Variants in PREX1 observed in about 807,000 individuals in gnomAD.
The protein encoded by PREX1 is phosphatidylinositol-3,4,5-trisphosphate dependent Rac exchange factor 1.
Under a neutral mutation model 198.3 loss-of-function variants are expected in PREX1, and 41 were observed. That is an observed-to-expected ratio of 0.21 (90% CI 0.16 to 0.27). The LOEUF is 0.27. Ranked by LOEUF, PREX1 falls within the 10% of genes least tolerant of loss-of-function variation. The probability of loss-of-function intolerance (pLI) is 1.00; values close to 1 mark genes in which losing one functional copy is unlikely to be tolerated. For synonymous variants in PREX1, 843 were observed against 887.2 expected (o/e 0.95, Z 0.89); for missense variants, 1,620 against 2,200.7 (o/e 0.74, Z 5.28).
the PREX1 span, among the ~76,000 whole-genome samples, chr20:48,841,723 C>A: frequency 6.6e-6 from 1 of 152,206 alleles, no homozygotes; most frequent in Non-Finnish European, 1.5e-5. Context: ...CAACCTGTGC[C>A]ACAGAACCAG....
chr20:48,649,963 T>C (rs894564692), intron 24 of PREX1, 33 bp downstream of exon 24: 19 of 1,607,088 alleles, frequency 1.2e-5, no homozygotes, highest in Non-Finnish European at 1.6e-5. Flanking sequence ...GTGCAACATC[T>C]GAACACAGTT....
intron 1 of PREX1, among the ~76,000 whole-genome samples, chr20:48,816,221 G>A (rs1033476238): frequency 1.3e-5 from 2 of 152,234 alleles, no homozygotes; most frequent in East Asian, 3.9e-4. Context: ...GGCCAGAGAG[G>A]GAGTAAATAA....
At chr20:48,723,228 A>G (rs2089993808) in intron 5 of PREX1, among the ~76,000 whole-genome samples, 1 of 152,192 alleles carries the variant, frequency 6.6e-6, no homozygotes, top group African/African-American at 2.4e-5. Context: ...CTCAAACAAG[A>G]GGGCTCAGAG....
intron 1 of PREX1, among the ~76,000 whole-genome samples, chr20:48,758,560 C>A (rs1326855948): frequency 6.6e-6 from 1 of 152,220 alleles, no homozygotes; most frequent in Non-Finnish European, 1.5e-5. Context: ...CCAGGACGGC[C>A]TCGCTGCCTG....
At chr20:48,790,502 T>C (rs1176114003) in intron 1 of PREX1, among the ~76,000 whole-genome samples, 1 of 150,836 alleles carries the variant, frequency 6.6e-6, no homozygotes, top group Admixed American at 6.6e-5. Context: ...TCAACATGAG[T>C]GCGGAAAAAA....
At chr20:48,885,468 C>T in the PREX1 span, among the ~76,000 whole-genome samples, 1 of 152,184 alleles carries the variant, frequency 6.6e-6, no homozygotes. Context: ...TGCAAAATGG[C>T]ACAGCCACTT....
At chr20:48,747,491 G>A (rs112627076) in intron 2 of PREX1, among the ~76,000 whole-genome samples, 2 of 152,370 alleles carry the variant, frequency 1.3e-5, no homozygotes, top group South Asian at 4.1e-4. Flanking sequence ...TTTTCCACTG[G>A]CTCCAAGCCA....
chr20:48,833,598 C>T, the PREX1 span, among the ~76,000 whole-genome samples: 9 of 152,086 alleles, frequency 5.9e-5, no homozygotes, highest in South Asian at 8.3e-4. Flanking sequence ...CCCGCCACCA[C>T]GCCCAGCTAA....
At chr20:48,661,419 CAAAAA>C (rs1168247790) in intron 15 of PREX1, among the ~76,000 whole-genome samples, 172 of 11,914 alleles carry the variant, frequency 0.014, no homozygotes, top group Middle Eastern at 0.17. Flanking sequence ...AACTCCATCT[CAAAAA>C]AAAAAAAAAA....
chr20:48,850,021 C>T, the PREX1 span, among the ~76,000 whole-genome samples: 14 of 152,130 alleles, frequency 9.2e-5, no homozygotes, highest in African/African-American at 3.4e-4. Flanking sequence ...AGTTTTCCAT[C>T]TGAAAGATGG....
At chr20:48,718,027 TC>T (rs2089969810) in intron 5 of PREX1, among the ~76,000 whole-genome samples, 1 of 152,254 alleles carries the variant, frequency 6.6e-6, no homozygotes, top group Non-Finnish European at 1.5e-5. Context: ...CAGTGGCTGT[TC>T]CTTAGAAGGG....
In PREX1 at chr20:48,710,254, T is replaced by C. The variant is rs117794540; in HGVS notation, c.622-1833A>G. Among the ~76,000 whole-genome samples the C allele has an allele frequency of 2.7e-3, 413 of 152,046 alleles. 13 individuals carry two copies. In the East Asian group the frequency reaches 0.072, roughly 26 times the overall value. ...CAGGGCCAGCTCTGCTAATGCGGAG[T>C]GTATTTCGACTCATTCTTCACTCAG... On this transcript the variant is annotated intron_variant, in intron 5 of 39. Coordinates refer to ENST00000371941, the MANE Select transcript of PREX1 (RefSeq NM_020820.4).
chr20:48,676,349 C>T (rs2089709361), intron 13 of PREX1, 81 bp from the exon 14 acceptor site: 6 of 1,334,156 alleles, frequency 4.5e-6, no homozygotes, highest in Admixed American at 1.7e-5. Flanking sequence ...CCCTGCAGGA[C>T]GTGCCCACGA....
chr20:48,881,488 A>ATTTT, the PREX1 span, among the ~76,000 whole-genome samples: 3 of 139,476 alleles, frequency 2.2e-5, no homozygotes, highest in African/African-American at 7.9e-5. Context: ...CATACAATTC[A>ATTTT]TTTTTTTTTT....
intron 25 of PREX1, among the ~76,000 whole-genome samples, chr20:48,648,196 T>C (rs2089465335): frequency 6.6e-6 from 1 of 152,210 alleles, no homozygotes; most frequent in Non-Finnish European, 1.5e-5. Context: ...CATGAGCCAC[T>C]GTACCCAGCC....
intron 3 of PREX1, among the ~76,000 whole-genome samples, chr20:48,737,703 G>A (rs1242637686): frequency 6.6e-6 from 1 of 152,202 alleles, no homozygotes; most frequent in Non-Finnish European, 1.5e-5. Context: ...AGCCCGCAAG[G>A]ACTCGAGCTG....
chr20:48,792,817 T>TACACACAC (rs372512250), intron 1 of PREX1, among the ~76,000 whole-genome samples: 1,888 of 113,484 alleles, frequency 0.017, 31 homozygotes, highest in South Asian at 0.027. Context: ...AAAAAAAAAA[T>TACACACAC]ACACACACAC....
Position 48,695,058 on chromosome 20 carries a change from AT to A in PREX1, c.918-2269del, listed in dbSNP as rs1372895858. Among the ~76,000 whole-genome samples, 5 of 152,342 alleles carry A rather than the reference AT, an allele frequency of 3.3e-5. No individual in the cohort carries two copies. The East Asian group carries it at 9.6e-4, about 29-fold the overall frequency. On this transcript the variant is annotated intron_variant, in intron 7 of 39. Transcript: ENST00000371941. Reference sequence around the variant, plus strand: ...AGTATAAAATCCACACAGAAAAAAAATGCCCAAAGAAGCATTAATATGGCTC... The same window carrying A: ...AGTATAAAATCCACACAGAAAAAAAAGCCCAAAGAAGCATTAATATGGCTC...
At chr20:48,812,025 T>C (rs549499525) in intron 1 of PREX1, among the ~76,000 whole-genome samples, 1 of 152,216 alleles carries the variant, frequency 6.6e-6, no homozygotes, top group Admixed American at 6.5e-5. Context: ...GCGAGATGAT[T>C]GGATGAGATG....
Sources: gnomAD v4.1 joint callset for allele counts (sites outside exome capture counted in the v4.1 genomes callset) on GRCh38, gnomAD v4.1.1 for gene constraint, MANE v1.5 for transcripts, NCBI Gene and HGNC (gene_info 2026-07-23, HGNC 2026-07-21) for gene names.